PLEKHD1: variants seen among roughly 807,000 people sequenced by gnomAD.
PLEKHD1 encodes the protein pleckstrin homology and coiled-coil domain containing D1, also known as pleckstrin homology domain-containing family D member 1.
PLEKHD1 carries 51 observed loss-of-function variants against 69.2 expected under a neutral mutation model. The observed-to-expected ratio is 0.74, with a 90% CI of 0.59 to 0.93. PLEKHD1 has a LOEUF of 0.93. PLEKHD1 is among the 40% of genes least tolerant of loss of function. PLEKHD1 has a pLI of 0.00. For synonymous variants in PLEKHD1, 236 were observed against 244.7 expected (o/e 0.96, Z 0.33); for missense variants, 584 against 641.0 (o/e 0.91, Z 0.96).
At chr14:69,501,447 A>C (rs977690783) in intron 4 of PLEKHD1, 1 of 358,146 alleles carries the variant, frequency 2.8e-6, no homozygotes, top group East Asian at 5.6e-5. Flanking sequence ...CAGTAATGTA[A>C]AAAAGCCACC....
the PLEKHD1 span, among the ~76,000 whole-genome samples, chr14:69,479,281 A>G: frequency 6.6e-6 from 1 of 152,180 alleles, no homozygotes; most frequent in Non-Finnish European, 1.5e-5. Context: ...AATTCAATAT[A>G]ATATTTGGGT....
chr14:69,474,378 G>A, the PLEKHD1 span, among the ~76,000 whole-genome samples: 19 of 152,140 alleles, frequency 1.2e-4, no homozygotes, highest in Admixed American at 7.2e-4. Flanking sequence ...TCTGACCACC[G>A]GTTCGCGACC....
chr14:69,487,716 A>G (rs892475742), intron 1 of PLEKHD1, among the ~76,000 whole-genome samples: 1 of 152,216 alleles, frequency 6.6e-6, no homozygotes, highest in African/African-American at 2.4e-5. Flanking sequence ...ATTAATTAGC[A>G]GAGATCAGAT....
intron 6 of PLEKHD1, among the ~76,000 whole-genome samples, chr14:69,520,435 A>C (rs973681380): frequency 2.0e-5 from 3 of 152,190 alleles, no homozygotes; most frequent in African/African-American, 7.2e-5. Context: ...TGAAGCTCCA[A>C]ACTCTTATTT....
chr14:69,520,527 G>T (rs972293542), intron 6 of PLEKHD1, among the ~76,000 whole-genome samples: 2 of 151,954 alleles, frequency 1.3e-5, no homozygotes. Flanking sequence ...TCAGGAGTTC[G>T]AGACCAGCCT....
At chr14:69,470,798 G>T in the PLEKHD1 span, among the ~76,000 whole-genome samples, 1 of 150,914 alleles carries the variant, frequency 6.6e-6, no homozygotes, top group East Asian at 2.0e-4. Flanking sequence ...ACAGAGTCTC[G>T]CTCTGTCGCC....
chr14:69,495,613 T>C (rs1171960985), intron 1 of PLEKHD1, among the ~76,000 whole-genome samples: 3 of 152,214 alleles, frequency 2.0e-5, no homozygotes. Context: ...AATGTTAGCT[T>C]GATCATTATT....
At chr14:69,505,907 C>A (rs1168556985) in intron 6 of PLEKHD1, among the ~76,000 whole-genome samples, 3 of 152,166 alleles carry the variant, frequency 2.0e-5, no homozygotes, top group African/African-American at 7.2e-5. Flanking sequence ...ATCCCTCTCA[C>A]CCCTGGAGGA....
At chr14:69,468,390 A>G in the PLEKHD1 span, among the ~76,000 whole-genome samples, 1 of 152,256 alleles carries the variant, frequency 6.6e-6, no homozygotes, top group Non-Finnish European at 1.5e-5. Context: ...AAAGAAGGGC[A>G]GAGATAAATG....
intron 6 of PLEKHD1, among the ~76,000 whole-genome samples, chr14:69,513,174 G>A (rs868020768): frequency 2.0e-5 from 3 of 151,310 alleles, no homozygotes; most frequent in Non-Finnish European, 4.4e-5. Context: ...AGACAAGATG[G>A]CACCACTGTA....
At chr14:69,515,184 C>T (rs1026260847) in intron 6 of PLEKHD1, among the ~76,000 whole-genome samples, 2 of 152,034 alleles carry the variant, frequency 1.3e-5, no homozygotes, top group Non-Finnish European at 2.9e-5. Flanking sequence ...GGTGACAGAG[C>T]GAGACTCTGT....
At chr14:69,524,406 C>T in intron 8 of PLEKHD1, 84 bp downstream of exon 8, 1 of 1,161,306 alleles carries the variant, frequency 8.6e-7, no homozygotes, top group African/African-American at 1.5e-5. Flanking sequence ...AGCAGTGTTT[C>T]CCCAGGGGGT....
At chr14:69,517,531 C>G (rs374624861) in intron 6 of PLEKHD1, among the ~76,000 whole-genome samples, 2 of 151,926 alleles carry the variant, frequency 1.3e-5, no homozygotes, top group South Asian at 2.1e-4. Context: ...AGAGGGCAGG[C>G]GCAGCACTCT....
At chr14:69,528,121 G>A (rs769367446) in intron 12 of PLEKHD1, 129 bp from the exon 13 acceptor site, 1 of 1,405,610 alleles carries the variant, frequency 7.1e-7, no homozygotes, top group Non-Finnish European at 9.6e-7. Context: ...AAGCCCGTGT[G>A]TGTGGGAAGG....
chr14:69,470,912 C>T, the PLEKHD1 span, among the ~76,000 whole-genome samples: 1 of 151,960 alleles, frequency 6.6e-6, no homozygotes, highest in Non-Finnish European at 1.5e-5. Flanking sequence ...CTGCCTCAGC[C>T]TCCAGAGTAG....
chr14:69,499,988 G>A (rs1301974072), intron 1 of PLEKHD1, 127 bp from the exon 2 acceptor site: 19 of 659,856 alleles, frequency 2.9e-5, no homozygotes, highest in Non-Finnish European at 4.8e-5. Flanking sequence ...GAGTTGGTAA[G>A]GATGGCTGAG....
At chr14:69,513,898 T>G (rs145468870) in intron 6 of PLEKHD1, among the ~76,000 whole-genome samples, 1 of 152,324 alleles carries the variant, frequency 6.6e-6, no homozygotes, top group East Asian at 1.9e-4. Flanking sequence ...CTCTCAATAC[T>G]TTAAATATTT....
chr14:69,518,457 A>T (rs1883436484), intron 6 of PLEKHD1, among the ~76,000 whole-genome samples: 1 of 152,180 alleles, frequency 6.6e-6, no homozygotes, highest in African/African-American at 2.4e-5. Context: ...AACATATTAG[A>T]CAATAAATAT....
chr14:69,492,376 G>T (rs887412809), intron 1 of PLEKHD1, among the ~76,000 whole-genome samples: 2 of 152,044 alleles, frequency 1.3e-5, no homozygotes, highest in Non-Finnish European at 2.9e-5. Context: ...GATTCCTCCC[G>T]GTCTTCACTC....
Sources: allele counts gnomAD v4.1 joint callset (sites outside exome capture counted in the v4.1 genomes callset), GRCh38; gene constraint gnomAD v4.1.1; transcripts MANE v1.5; gene names NCBI Gene and HGNC (gene_info 2026-07-23, HGNC 2026-07-21).